Variants in KCMF1 observed in about 807,000 individuals in gnomAD.
KCMF1 encodes potassium channel modulatory factor 1, also known as E3 ubiquitin-protein ligase KCMF1.
KCMF1 carries 3 observed loss-of-function variants against 41.1 expected under a neutral mutation model. That is an observed-to-expected ratio of 0.07 (90% confidence interval 0.03 to 0.19). The LOEUF (loss-of-function observed/expected upper bound fraction) is 0.19. Ranked by LOEUF, KCMF1 falls within the 10% of genes least tolerant of loss-of-function variation. The pLI is 1.00. For missense variants in KCMF1, 286 were observed against 488.9 expected, an observed-to-expected ratio of 0.58 and a Z score of 3.91; for synonymous variants, 142 against 164.5, an observed-to-expected ratio of 0.86 and a Z score of 1.04.
chr2:84,985,516 TCTTC>T (rs1186890558), intron 1 of KCMF1, among the ~76,000 whole-genome samples: 2 of 152,170 alleles, frequency 1.3e-5, no homozygotes. Flanking sequence ...GGAAGGTGAA[TCTTC>T]CTAGTTTGAA....
At chr2:85,019,174 T>TAC (rs2104015383) in intron 1 of KCMF1, among the ~76,000 whole-genome samples, 1 of 152,374 alleles carries the variant, frequency 6.6e-6, no homozygotes, top group East Asian at 1.9e-4. Context: ...GACTTCCTGA[T>TAC]ACCAGGTAAA....
chr2:84,976,626 T>C (rs1048621001), intron 1 of KCMF1, among the ~76,000 whole-genome samples: 1 of 149,436 alleles, frequency 6.7e-6, no homozygotes, highest in African/African-American at 2.5e-5. Context: ...ACCCTATTTC[T>C]TTAAAAAAAA....
intron 3 of KCMF1, among the ~76,000 whole-genome samples, chr2:85,039,252 T>C (rs1214459026): frequency 6.6e-6 from 1 of 152,210 alleles, no homozygotes; most frequent in Non-Finnish European, 1.5e-5. Context: ...ATAGCATAGA[T>C]CCTTGAACTA....
intron 1 of KCMF1, among the ~76,000 whole-genome samples, chr2:85,014,848 A>G (rs1054906255): frequency 6.6e-6 from 1 of 151,218 alleles, no homozygotes; most frequent in Admixed American, 6.6e-5. Context: ...TGTTTCCCTC[A>G]GCCTCCCAAA....
intron 1 of KCMF1, among the ~76,000 whole-genome samples, chr2:85,010,017 T>C (rs1309121768): frequency 6.6e-6 from 1 of 152,226 alleles, no homozygotes; most frequent in East Asian, 1.9e-4. Flanking sequence ...TTCAGTTCTT[T>C]CCAGTCTCCT....
chr2:84,984,943 C>T (rs1673863989), intron 1 of KCMF1, among the ~76,000 whole-genome samples: 1 of 152,084 alleles, frequency 6.6e-6, no homozygotes, highest in Non-Finnish European at 1.5e-5. Flanking sequence ...CCTCAGCCTC[C>T]CAAAGTGTTG....
rs879765543 is a variant in KCMF1 at position 84,993,900 on chromosome 2, ATTTTTTGTTT to A, written c.16+22435_16+22444del. 5.9e-3 allele frequency among the ~76,000 whole-genome samples: 757 copies of A among 128,692 alleles called. 3 individuals carry two copies. The highest frequency in any genetic ancestry group is 0.021 in the South Asian group (77 of 3,688). 84.4% of individuals were successfully genotyped at this position (128,692 alleles called of 152,430 possible). A position where few individuals can be genotyped will look rare whatever the true frequency, so the allele number is the denominator to read the frequency against. On this transcript the variant is annotated intron_variant, in intron 1 of 6. Transcript: ENST00000409785. ...CTACCCCCCATTTTTGAGTTTGAAC[ATTTTTTGTTT>A]TGTTTTGTTTTGTTTTGTTTTGTTT... is the stretch of plus-strand genomic sequence containing the variant.
chr2:85,052,867 C>T (rs1675839848), intron 6 of KCMF1, among the ~76,000 whole-genome samples: 1 of 152,188 alleles, frequency 6.6e-6, no homozygotes, highest in South Asian at 2.1e-4. Flanking sequence ...AGAAAATTTT[C>T]ACCTAGCTTT....
chr2:85,015,380 G>A (rs1266562038), intron 1 of KCMF1, among the ~76,000 whole-genome samples: 3 of 152,038 alleles, frequency 2.0e-5, no homozygotes, highest in African/African-American at 4.8e-5. Context: ...TCTAATCATG[G>A]CTGAGTATAA....
intron 2 of KCMF1, among the ~76,000 whole-genome samples, chr2:85,031,809 A>G (rs1245210131): frequency 6.6e-6 from 1 of 151,914 alleles, no homozygotes; most frequent in South Asian, 2.1e-4. Flanking sequence ...TGGTGCCATC[A>G]TGGCTCATTG....
intron 1 of KCMF1, among the ~76,000 whole-genome samples, chr2:85,024,606 G>A (rs1290892896): frequency 6.6e-6 from 1 of 150,814 alleles, no homozygotes; most frequent in Non-Finnish European, 1.5e-5. Flanking sequence ...GTGTGTGTGT[G>A]CGCGTGTGTG....
At chr2:85,002,386 A>G (rs1674356157) in intron 1 of KCMF1, among the ~76,000 whole-genome samples, 1 of 152,180 alleles carries the variant, frequency 6.6e-6, no homozygotes, top group Admixed American at 6.5e-5. Flanking sequence ...CCTTTGAACC[A>G]CCTGCCTCCT....
chr2:85,033,397 G>C (rs1017745082), intron 2 of KCMF1, among the ~76,000 whole-genome samples: 1 of 152,044 alleles, frequency 6.6e-6, no homozygotes, highest in Non-Finnish European at 1.5e-5. Context: ...GAAAATCCTT[G>C]AAATTAGATA....
At chr2:85,026,251 A>T (rs1675100116) in intron 1 of KCMF1, among the ~76,000 whole-genome samples, 1 of 151,710 alleles carries the variant, frequency 6.6e-6, no homozygotes, top group South Asian at 2.1e-4. Flanking sequence ...TCAGTCTCCC[A>T]AAGTGCTGAG....
At chr2:85,041,298 G>A (rs913332430) in intron 3 of KCMF1, among the ~76,000 whole-genome samples, 6 of 152,150 alleles carry the variant, frequency 3.9e-5, no homozygotes, top group Non-Finnish European at 7.4e-5. Context: ...GTCAATACAC[G>A]ATAAGGAAGG....
intron 1 of KCMF1, among the ~76,000 whole-genome samples, chr2:84,978,822 TCTC>T (rs1375905072): frequency 6.6e-6 from 1 of 152,092 alleles, no homozygotes; most frequent in African/African-American, 2.4e-5. Context: ...TTCAAGCGAT[TCTC>T]CTGCCTCAGC....
At chr2:84,988,148 C>T (rs183923756) in intron 1 of KCMF1, among the ~76,000 whole-genome samples, 1 of 152,176 alleles carries the variant, frequency 6.6e-6, no homozygotes. Flanking sequence ...AGGAGAATCA[C>T]TTGAACCCAG....
At chr2:84,977,532 C>T (rs1466662208) in intron 1 of KCMF1, among the ~76,000 whole-genome samples, 1 of 152,048 alleles carries the variant, frequency 6.6e-6, no homozygotes, top group Non-Finnish European at 1.5e-5. Flanking sequence ...AGAATCCTCC[C>T]ACTTCAGCCT....
intron 1 of KCMF1, among the ~76,000 whole-genome samples, chr2:85,025,819 G>A (rs1006183872): frequency 1.3e-5 from 2 of 151,756 alleles, no homozygotes; most frequent in Non-Finnish European, 2.9e-5. Flanking sequence ...ATGTTTTTCT[G>A]TCTGTTTTGC....
Sources: gnomAD v4.1 joint callset for allele counts (sites outside exome capture counted in the v4.1 genomes callset) on GRCh38, gnomAD v4.1.1 for gene constraint, MANE v1.5 for transcripts, NCBI Gene and HGNC (gene_info 2026-07-23, HGNC 2026-07-21) for gene names.